KAT6B: variants seen among roughly 807,000 people sequenced by gnomAD.
KAT6B encodes lysine acetyltransferase 6B, also known as histone acetyltransferase KAT6B.
KAT6B carries 10 observed loss-of-function variants against 187.5 expected under a neutral mutation model. The observed-to-expected ratio is 0.05, with a 90% CI of 0.03 to 0.09. KAT6B has a LOEUF of 0.09. KAT6B is among the 10% of genes least tolerant of loss of function. KAT6B has a pLI of 1.00. For synonymous variants in KAT6B, 861 were observed against 926.8 expected, an observed-to-expected ratio of 0.93 and a Z score of 1.29; for missense variants, 1,952 against 2,558.9, an observed-to-expected ratio of 0.76 and a Z score of 5.12.
chr10:74,929,370 A>T (rs1374711774), intron 3 of KAT6B, among the ~76,000 whole-genome samples: 1 of 152,198 alleles, frequency 6.6e-6, no homozygotes, highest in Non-Finnish European at 1.5e-5. Context: ...TGTATTACAG[A>T]TGCTCTTGCG....
At chr10:74,965,802 T>C (rs1401113770) in intron 4 of KAT6B, among the ~76,000 whole-genome samples, 2 of 151,552 alleles carry the variant, frequency 1.3e-5, no homozygotes, top group African/African-American at 2.4e-5. Flanking sequence ...CTCGGTTCAC[T>C]GCAAGCTCCG....
intron 3 of KAT6B, among the ~76,000 whole-genome samples, chr10:74,917,675 G>C (rs1185576771): frequency 3.9e-5 from 6 of 152,222 alleles, no homozygotes; most frequent in Non-Finnish European, 8.8e-5. Context: ...TATCTCCCTA[G>C]AGAAGAGAGA....
At position 75,031,177 on chromosome 10, in the gene KAT6B, T is replaced by TAAA; in HGVS notation, c.*142_*144dup. ...AAAACATTTGTTGGCACCATTTATT[T>TAAA]AAAAAAAAAAAAAGCTGTATGCAGC... is the stretch of plus-strand genomic sequence containing the variant. On this transcript the variant is annotated 3_prime_UTR_variant, in exon 18 of 18. Coordinates refer to ENST00000287239, the MANE Select transcript of KAT6B (RefSeq NM_012330.4). The TAAA allele has an allele frequency of 1.0e-5, 9 of 885,826 alleles. No homozygotes were observed. Among genetic ancestry groups the TAAA allele is most frequent in the Admixed American group, 2.5e-5 (1 of 39,248 alleles). The allele number at this position is 885,826 out of a possible 1,614,324, so 54.9% of individuals were successfully genotyped here.
At chr10:75,001,030 T>C (rs2133967451) in intron 13 of KAT6B, among the ~76,000 whole-genome samples, 1 of 152,238 alleles carries the variant, frequency 6.6e-6, no homozygotes, top group East Asian at 1.9e-4. Context: ...TGTCCCCTTT[T>C]TTAGAAATGA....
At chr10:74,910,403 A>G (rs566487178) in intron 3 of KAT6B, among the ~76,000 whole-genome samples, 5 of 152,268 alleles carry the variant, frequency 3.3e-5, no homozygotes, top group East Asian at 1.9e-4. Flanking sequence ...GGCATTTCCT[A>G]TGTTGAAGTT....
chr10:74,825,930 G>T (rs1840168354), upstream of KAT6B, among the ~76,000 whole-genome samples: 1 of 151,292 alleles, frequency 6.6e-6, no homozygotes, highest in Admixed American at 6.6e-5. The surrounding 1 kb of genome is among the most constrained non-coding windows in gnomAD (Gnocchi z 5.0). Flanking sequence ...GACGGGACGG[G>T]AGAGAGGGTG....
chr10:74,941,608 C>T (rs1418774525), intron 3 of KAT6B, among the ~76,000 whole-genome samples: 1 of 152,166 alleles, frequency 6.6e-6, no homozygotes, highest in Non-Finnish European at 1.5e-5. Flanking sequence ...ACCACCAACA[C>T]ACAAACACAC....
intron 3 of KAT6B, among the ~76,000 whole-genome samples, chr10:74,864,007 G>T (rs2132319263): frequency 6.6e-6 from 1 of 152,198 alleles, no homozygotes; most frequent in East Asian, 1.9e-4. Context: ...GTAAGTATAT[G>T]TATTCAGTGC....
Position 74,975,841 on chromosome 10 carries a change from G to A in KAT6B, c.1504G>A (p.Gly502Ser), listed in dbSNP as rs745726033. ...SSLPPPTPIS[G>S]QSPSSQKSST... The stretch of plus-strand genomic sequence containing the variant: ...ACTTCCACCCCCAACCCCCATCTCC[G>A]GTCAGAGCCCCAGTTCACAAAAGTC... The change falls in exon 8 of 18, where the codon GGT becomes AGT. Residue 502 changes from glycine (G) to serine (S), a missense_variant. Transcript: ENST00000287239. 41 of 1,613,924 alleles carry A rather than the reference G, an allele frequency of 2.5e-5. No individual in the cohort carries two copies. The highest frequency in any genetic ancestry group is 5.5e-5 in the South Asian group (5 of 91,074).
chr10:74,967,429 T>G (rs1841558928), intron 4 of KAT6B, among the ~76,000 whole-genome samples: 1 of 152,248 alleles, frequency 6.6e-6, no homozygotes, highest in Admixed American at 6.5e-5. Flanking sequence ...ATTGCTTTCC[T>G]TTATCTAATT....
At chr10:74,838,254 G>A (rs752417161) in intron 1 of KAT6B, among the ~76,000 whole-genome samples, 1 of 152,156 alleles carries the variant, frequency 6.6e-6, no homozygotes, top group African/African-American at 2.4e-5. Flanking sequence ...GACAAACAGC[G>A]AATGCTGCCC....
chr10:74,943,200 A>C (rs1003632069), intron 3 of KAT6B, among the ~76,000 whole-genome samples: 1 of 152,218 alleles, frequency 6.6e-6, no homozygotes, highest in Non-Finnish European at 1.5e-5. Flanking sequence ...AAGATTCAGA[A>C]CCTGAAATAA....
At chr10:74,907,671 A>G (rs774448301) in intron 3 of KAT6B, among the ~76,000 whole-genome samples, 12 of 152,034 alleles carry the variant, frequency 7.9e-5, no homozygotes, top group Non-Finnish European at 1.5e-4. Context: ...CTGGGATTAC[A>G]AGTGCCCACC....
At chr10:74,872,661 T>C (rs920388472) in intron 3 of KAT6B, among the ~76,000 whole-genome samples, 2 of 151,200 alleles carry the variant, frequency 1.3e-5, no homozygotes, top group African/African-American at 4.9e-5. Flanking sequence ...TACAGTCTTG[T>C]GCCACCACTC....
intron 3 of KAT6B, among the ~76,000 whole-genome samples, chr10:74,866,591 A>G (rs1458818596): frequency 6.6e-6 from 1 of 151,954 alleles, no homozygotes; most frequent in Non-Finnish European, 1.5e-5. Flanking sequence ...TAGATTTACT[A>G]AAAAAAAGGA....
intron 3 of KAT6B, among the ~76,000 whole-genome samples, chr10:74,908,078 G>A (rs998096841): frequency 2.6e-5 from 4 of 152,042 alleles, no homozygotes; most frequent in Admixed American, 6.6e-5. Flanking sequence ...ATGGACTGAT[G>A]GGTTATCATG....
rs746597355 is a variant in KAT6B, at chr10:74,979,205, T to C, written c.2116-19T>C. The stretch of plus-strand genomic sequence containing the variant: ...TGAAGTATATATATTATTATTTTCC[T>C]TTTCTTTCTATTTGACAGAAAATAG... On this transcript the variant is annotated intron_variant, in intron 9 of 17. Coordinates refer to ENST00000287239, the MANE Select transcript of KAT6B (RefSeq NM_012330.4). 3.9e-6 allele frequency: 6 copies of C among 1,554,356 alleles called. No homozygotes were observed. In the East Asian group the frequency reaches 1.1e-4, roughly 29 times the overall value.
chr10:74,879,129 A>G (rs1372180070), intron 3 of KAT6B, among the ~76,000 whole-genome samples: 1 of 152,230 alleles, frequency 6.6e-6, no homozygotes, highest in Non-Finnish European at 1.5e-5. Flanking sequence ...GTTAGAAGGC[A>G]AAGGAGAAGA....
chr10:74,954,026 C>T (rs903413905), intron 3 of KAT6B, among the ~76,000 whole-genome samples: 2 of 152,098 alleles, frequency 1.3e-5, no homozygotes, highest in African/African-American at 2.4e-5. Context: ...AAAATTAGAA[C>T]TGGGAAAGTC....
Sources: gnomAD v4.1 joint callset for allele counts (sites outside exome capture counted in the v4.1 genomes callset) on GRCh38, gnomAD v4.1.1 for gene constraint, Gnocchi (gnomAD v3.1) non-coding constraint, MANE v1.5 for transcripts, NCBI Gene and HGNC (gene_info 2026-07-23, HGNC 2026-07-21) for gene names.